OXGR1: variants seen among roughly 807,000 people sequenced by gnomAD.
OXGR1 encodes oxoglutarate receptor 1.
In OXGR1, 10 loss-of-function variants were observed where a neutral mutation model predicts 10.0. That is an observed-to-expected ratio of 1.00 (90% CI 0.62 to 1.70). The LOEUF (loss-of-function observed/expected upper bound fraction) is 1.70, where lower values mean the gene tolerates loss of function less well. Ranked by LOEUF, OXGR1 falls within the 40% of genes most tolerant of loss-of-function variation. OXGR1 has a pLI of 0.00. For synonymous variants in OXGR1, 191 were observed against 155.9 expected, an observed-to-expected ratio of 1.22 and a Z score of -1.68; for missense variants, 398 against 407.6, an observed-to-expected ratio of 0.98 and a Z score of 0.20.
intron 2 of OXGR1, among the ~76,000 whole-genome samples, chr13:96,991,668 T>G (rs1420196751): frequency 2.0e-5 from 3 of 152,218 alleles, no homozygotes; most frequent in Non-Finnish European, 4.4e-5. Flanking sequence ...GAGAACAGTT[T>G]GGAGGTTCCT....
intron 3 of OXGR1, among the ~76,000 whole-genome samples, chr13:96,988,576 T>C (rs1376885841): frequency 1.3e-5 from 2 of 152,176 alleles, no homozygotes; most frequent in African/African-American, 4.8e-5. Flanking sequence ...ACATAATTTG[T>C]TTGTGCAGGG....
chr13:96,987,250 G>C lies in OXGR1; in HGVS notation c.510C>G (p.Phe170Leu), dbSNP rs765668907. 1.4e-5 allele frequency: 23 copies of C among 1,614,210 alleles called. 1 individual carries two copies. In the South Asian group the frequency reaches 2.4e-4, roughly 17 times the overall value. The part of the protein sequence containing the change: ...ISLVAVIPMT[F>L]LITSTNRTNR... ...TGGTCCTGTTGGTTGATGTGATCAA[G>C]AAGGTCATCGGAATGACAGCTACCA... The change falls in exon 4 of 4, where the codon TTC becomes TTG. Residue 170 changes from phenylalanine to leucine, a missense_variant. Transcript: ENST00000541038.
chr13:96,991,937 G>T (rs1176449338), intron 2 of OXGR1, among the ~76,000 whole-genome samples: 2 of 152,108 alleles, frequency 1.3e-5, no homozygotes, highest in Admixed American at 1.3e-4. Context: ...CAACCTCATG[G>T]GTAGAACTGG....
chr13:96,987,280 A>T lies in OXGR1; in HGVS notation c.480T>A (p.Ile160=). The change falls in exon 4 of 4, where the codon ATT becomes ATA. Residue 160 remains isoleucine (I), a synonymous_variant. Coordinates refer to ENST00000541038, the MANE Select transcript of OXGR1 (RefSeq NM_001346194.2). ...TCATCGGAATGACAGCTACCAGTGA[A>T]ATGATCCACACCACAGCACAGGCTA... ...AVVACAVVWI[I]SLVAVIPMTF... 6.2e-7 allele frequency: 1 copy of T among 1,614,012 alleles called. No individual in the cohort carries two copies.
In OXGR1 at chr13:96,986,395, G is replaced by C. The variant is rs1157694744; in HGVS notation, c.*351C>G. 6.3e-5 allele frequency: 13 copies of C among 206,638 alleles called. No individual in the cohort carries two copies. The highest frequency in any genetic ancestry group is 9.7e-6 in the Non-Finnish European group (1 of 103,158). 12.8% of individuals were successfully genotyped at this position (206,638 alleles called of 1,614,324 possible). A position where few individuals can be genotyped will look rare whatever the true frequency, so the allele number is the denominator to read the frequency against. Reference sequence around the variant, plus strand: ...GAAAAGATTGGTTTTCTCCTATCTTGGCACAAATTTACTGAGCAATCTAGG... The same window carrying C: ...GAAAAGATTGGTTTTCTCCTATCTTCGCACAAATTTACTGAGCAATCTAGG... On this transcript the variant is annotated 3_prime_UTR_variant, in exon 4 of 4. Coordinates refer to ENST00000541038, the MANE Select transcript of OXGR1 (RefSeq NM_001346194.2).
At chr13:96,988,387 C>T (rs183181014) in intron 3 of OXGR1, among the ~76,000 whole-genome samples, 11 of 152,264 alleles carry the variant, frequency 7.2e-5, no homozygotes, top group African/African-American at 2.6e-4. Context: ...TGCTGCCTCT[C>T]AATCTGTATT....
chr13:96,991,135 A>T (rs1179363700), intron 2 of OXGR1, among the ~76,000 whole-genome samples: 3 of 152,188 alleles, frequency 2.0e-5, no homozygotes, highest in Admixed American at 2.0e-4. Context: ...ACAATAGTTC[A>T]ATTCAGATTG....
At position 96,987,166 on chromosome 13, in the gene OXGR1, G is replaced by C. The variant is rs370630287; in HGVS notation, c.594C>G (p.Tyr198Ter). ...SSDELNTIKWYNLILTATTFC... is the reference protein window; with the variant it reads ...SSDELNTIKW ...AAGTAGTTGCAGTCAAAATCAGGTT[G>C]TACCACTTAATAGTATTGAGTTCAT... The change falls in exon 4 of 4, where the codon TAC becomes TAG. Residue 198 changes from tyrosine (Y) to a stop codon, truncating the protein, a stop_gained. Transcript: ENST00000541038. LOFTEE classifies it high-confidence loss of function. 1.2e-6 allele frequency: 2 copies of C among 1,614,060 alleles called. No homozygotes were observed. Among genetic ancestry groups the C allele is most frequent in the African/African-American group, 2.7e-5 (2 of 74,924 alleles).
At position 96,987,795 on chromosome 13, in the gene OXGR1, G is replaced by C; in HGVS notation, c.-36C>G. 6.6e-7 allele frequency: 1 copy of C among 1,524,108 alleles called. No individual in the cohort carries two copies. Among genetic ancestry groups the C allele is most frequent in the Non-Finnish European group, 8.8e-7 (1 of 1,137,440 alleles). 94.4% of individuals were successfully genotyped at this position (1,524,108 alleles called of 1,614,324 possible). On this transcript the variant is annotated 5_prime_UTR_variant, in exon 4 of 4. Transcript: ENST00000541038. Reference sequence around the variant, plus strand: ...TTTCATCTTGCAAGAAAACAAGAGAGTTCAGTTTGGCAATATGAATCAAAT... The same window carrying C: ...TTTCATCTTGCAAGAAAACAAGAGACTTCAGTTTGGCAATATGAATCAAAT...
At position 96,987,624 on chromosome 13, in the gene OXGR1, C is replaced by G; in HGVS notation, c.136G>C (p.Val46Leu). ...ACTACTGCATTGCCTGGAAATCCCA[C>G]GAGGAAGATAATGCCATAAATAACA... Reference protein sequence around the residue: ...LPVIYGIIFLVGFPGNAVVIS... With the variant: ...LPVIYGIIFLLGFPGNAVVIS... The change falls in exon 4 of 4, where the codon GTG becomes CTG. Residue 46 changes from valine (V) to leucine (L), a missense_variant. Val to Leu is a conservative substitution (Grantham distance 32). Transcript: ENST00000541038. 6.2e-7 allele frequency: 1 copy of G among 1,613,972 alleles called. No homozygotes were observed. The highest frequency in any genetic ancestry group is 8.5e-7 in the Non-Finnish European group (1 of 1,180,004).
Position 96,985,814 on chromosome 13 carries a change from T to C in OXGR1, c.*932A>G, listed in dbSNP as rs573632264. On this transcript the variant is annotated 3_prime_UTR_variant, in exon 4 of 4. Transcript: ENST00000541038. ...CTCAAATATTTATACTTACCGATAA[T>C]TAAGCACACATACAATTCAAAAATA... The C allele has an allele frequency of 3.3e-5, 5 of 152,360 alleles. No homozygotes were observed. Among genetic ancestry groups the C allele is most frequent in the Admixed American group, 3.3e-4 (5 of 15,304 alleles). 9.4% of individuals were successfully genotyped at this position (152,360 alleles called of 1,614,324 possible).
At chr13:96,991,891 A>T (rs1882075047) in intron 2 of OXGR1, among the ~76,000 whole-genome samples, 1 of 152,240 alleles carries the variant, frequency 6.6e-6, no homozygotes, top group South Asian at 2.1e-4. Context: ...GTGGAGTACT[A>T]TTCAGCCATA....
At chr13:96,993,661 A>G (rs1475466756) in intron 1 of OXGR1, among the ~76,000 whole-genome samples, 1 of 152,228 alleles carries the variant, frequency 6.6e-6, no homozygotes, top group Non-Finnish European at 1.5e-5. Context: ...AGCTCGCTTC[A>G]GAAAAATGCA....
rs1431163477 is a variant in OXGR1 at position 96,994,278 on chromosome 13, C to A, written c.-278+20G>T. 6.5e-6 allele frequency: 1 copy of A among 152,842 alleles called. No individual in the cohort carries two copies. The highest frequency in any genetic ancestry group is 1.9e-4 in the East Asian group (1 of 5,176). The allele number at this position is 152,842 out of a possible 1,614,324, so 9.5% of individuals were successfully genotyped here. ...TCCCTCCGGCCGGTGGGCCCCGCTC[C>A]CCGATCACGCGCGGCTCACCTGGCA... is the stretch of plus-strand genomic sequence containing the variant. On this transcript the variant is annotated intron_variant, in intron 1 of 3. Coordinates refer to ENST00000541038, the MANE Select transcript of OXGR1 (RefSeq NM_001346194.2).
Position 96,986,947 on chromosome 13 carries a change from T to C in OXGR1, c.813A>G (p.Ser271=). The change falls in exon 4 of 4, where the codon TCA becomes TCG. Residue 271 remains serine (S), a synonymous_variant. Coordinates refer to ENST00000541038, the MANE Select transcript of OXGR1 (RefSeq NM_001346194.2). ...TCTGATTCTCAATGGAACAACTGAT[T>C]GAAAGCAGGCGAGATTCGATCCGAA... is the stretch of plus-strand genomic sequence containing the variant. ...RVIRIESRLL[S]ISCSIENQIH... is the part of the protein sequence containing the mutation. 6.2e-7 allele frequency: 1 copy of C among 1,614,172 alleles called. No homozygotes were observed. The highest frequency in any genetic ancestry group is 1.1e-5 in the South Asian group (1 of 91,076).
chr13:96,991,528 T>C (rs1469313791), intron 2 of OXGR1, among the ~76,000 whole-genome samples: 1 of 152,212 alleles, frequency 6.6e-6, no homozygotes, highest in African/African-American at 2.4e-5. Flanking sequence ...GAAATAATGA[T>C]GTATTCAGCT....
chr13:96,992,165 A>G (rs1223805677), intron 2 of OXGR1, among the ~76,000 whole-genome samples: 2 of 152,150 alleles, frequency 1.3e-5, no homozygotes, highest in African/African-American at 4.8e-5. Context: ...AATAAGACCT[A>G]CTATTTGATG....
upstream of OXGR1, chr13:96,994,608 C>A (rs993137020): frequency 6.6e-6 from 1 of 152,242 alleles, no homozygotes; most frequent in East Asian, 1.9e-4. Flanking sequence ...AAAACCAGCC[C>A]GGCGGGAGGG....
intron 3 of OXGR1, 123 bp downstream of exon 3, chr13:96,989,635 G>A (rs146081037): frequency 6.6e-6 from 1 of 152,458 alleles, no homozygotes; most frequent in Non-Finnish European, 1.5e-5. Flanking sequence ...CAAACCGCTA[G>A]TTAGGGGTGA....
Sources: gnomAD v4.1 joint callset for allele counts (sites outside exome capture counted in the v4.1 genomes callset) on GRCh38, gnomAD v4.1.1 for gene constraint, MANE v1.5 for transcripts, NCBI Gene and HGNC (gene_info 2026-07-23, HGNC 2026-07-21) for gene names.